Variants in CAMK1D observed in about 807,000 individuals in gnomAD.
CAMK1D encodes calcium/calmodulin dependent protein kinase ID, also known as calcium/calmodulin-dependent protein kinase type 1D.
Under a neutral mutation model 47.7 loss-of-function variants are expected in CAMK1D, and 9 were observed. The observed-to-expected ratio is 0.19, with a 90% confidence interval of 0.11 to 0.33. CAMK1D has a LOEUF of 0.33. Among genes scored for constraint, CAMK1D ranks in the 10% least tolerant of loss-of-function variants. The pLI, the probability that CAMK1D is intolerant of heterozygous loss-of-function variation, is 1.00. For synonymous variants in CAMK1D, 184 were observed against 184.9 expected, an observed-to-expected ratio of 0.99 and a Z score of 0.04; for missense variants, 291 against 488.7, an observed-to-expected ratio of 0.60 and a Z score of 3.81.
intron 1 of CAMK1D, among the ~76,000 whole-genome samples, chr10:12,484,319 A>T (rs1354049340): frequency 6.6e-6 from 1 of 152,158 alleles, no homozygotes; most frequent in Non-Finnish European, 1.5e-5. Context: ...TCACCTCCAG[A>T]TACAGGAAAA....
At chr10:12,459,656 A>C (rs1833366264) in intron 1 of CAMK1D, among the ~76,000 whole-genome samples, 1 of 151,990 alleles carries the variant, frequency 6.6e-6, no homozygotes, top group Non-Finnish European at 1.5e-5. Flanking sequence ...TTATTTATTT[A>C]TATTTTCTCT....
chr10:12,465,173 C>A (rs920173950), intron 1 of CAMK1D, among the ~76,000 whole-genome samples: 1 of 152,122 alleles, frequency 6.6e-6, no homozygotes, highest in African/African-American at 2.4e-5. Flanking sequence ...TCTTTACCAA[C>A]TCTGATAAGC....
chr10:12,648,050 A>C (rs1465190568), intron 2 of CAMK1D, among the ~76,000 whole-genome samples: 1 of 152,258 alleles, frequency 6.6e-6, no homozygotes. Context: ...GAAGAGTCCA[A>C]GAATTCAAAA....
Position 12,803,348 on chromosome 10 carries a change from T to C in CAMK1D, c.642-10847T>C, listed in dbSNP as rs74629170. Among the ~76,000 whole-genome samples, 1,357 of 152,310 alleles carry C rather than the reference T, an allele frequency of 8.9e-3. 84 individuals are homozygous for C. In the East Asian group the frequency reaches 0.16, roughly 18 times the overall value. On this transcript the variant is annotated intron_variant, in intron 6 of 10. Transcript: ENST00000619168. Reference sequence around the variant, plus strand: ...TGGGTCTGTCTTACTCACTGCTCCATGATCAGCATTTCACACAACACCAGT... The same window carrying C: ...TGGGTCTGTCTTACTCACTGCTCCACGATCAGCATTTCACACAACACCAGT...
At chr10:12,666,554 C>T (rs563607004) in intron 2 of CAMK1D, among the ~76,000 whole-genome samples, 182 bp from the exon 3 acceptor site, 1 of 152,148 alleles carries the variant, frequency 6.6e-6, no homozygotes, top group Non-Finnish European at 1.5e-5. Flanking sequence ...GAATGGAGAT[C>T]AGGGAAGGAC....
At chr10:12,662,240 G>C (rs1840293846) in intron 2 of CAMK1D, among the ~76,000 whole-genome samples, 1 of 152,204 alleles carries the variant, frequency 6.6e-6, no homozygotes, top group Admixed American at 6.5e-5. Context: ...CAATAGATGA[G>C]TCAATCAACA....
At chr10:12,480,653 G>GGGA (rs1223003304) in intron 1 of CAMK1D, among the ~76,000 whole-genome samples, 7 of 152,152 alleles carry the variant, frequency 4.6e-5, no homozygotes, top group African/African-American at 1.7e-4. Flanking sequence ...GAGGAGGAAA[G>GGGA]GGAGGAGCTC....
chr10:12,731,753 G>A (rs1425994808), intron 3 of CAMK1D, among the ~76,000 whole-genome samples: 2 of 152,302 alleles, frequency 1.3e-5, no homozygotes, highest in African/African-American at 2.4e-5. Flanking sequence ...GGTCTCAATG[G>A]GACTGGAGGA....
intron 1 of CAMK1D, among the ~76,000 whole-genome samples, chr10:12,464,541 C>G (rs190812397): frequency 5.9e-5 from 9 of 152,270 alleles, no homozygotes; most frequent in Non-Finnish European, 8.8e-5. Context: ...CAAGGCCGGG[C>G]GCCGTGGCTC....
chr10:12,672,741 C>T lies in CAMK1D; in HGVS notation c.299+5931C>T, dbSNP rs992403045. On this transcript the variant is annotated intron_variant, in intron 3 of 10. Transcript: ENST00000619168. ...TTATATATATAGTATGAAGTAATGACAATATTCATTTTTGTCATAGGGCTA... is the reference window on the plus strand; with the variant it reads ...TTATATATATAGTATGAAGTAATGATAATATTCATTTTTGTCATAGGGCTA... Among the ~76,000 whole-genome samples the T allele has an allele frequency of 9.2e-5, 14 of 152,042 alleles. 1 individual carries two copies. Among genetic ancestry groups the T allele is most frequent in the African/African-American group, 3.4e-4 (14 of 41,376 alleles).
At chr10:12,407,705 G>A (rs1839488914) in intron 1 of CAMK1D, among the ~76,000 whole-genome samples, 1 of 152,120 alleles carries the variant, frequency 6.6e-6, no homozygotes, top group South Asian at 2.1e-4. Context: ...TCCAGCTGTG[G>A]TCCAAGTTGA....
At chr10:12,412,708 A>G (rs1185406180) in intron 1 of CAMK1D, among the ~76,000 whole-genome samples, 5 of 151,348 alleles carry the variant, frequency 3.3e-5, no homozygotes. Flanking sequence ...AAAAAAAAAA[A>G]AAAAAGAGTG....
chr10:12,493,793 C>G (rs1284684330), intron 1 of CAMK1D, among the ~76,000 whole-genome samples: 1 of 152,162 alleles, frequency 6.6e-6, no homozygotes, highest in Admixed American at 6.5e-5. Context: ...TGTGCCCTGC[C>G]TGCATATCTG....
chr10:12,374,690 C>A (rs571306187), intron 1 of CAMK1D, among the ~76,000 whole-genome samples: 2 of 152,206 alleles, frequency 1.3e-5, no homozygotes, highest in African/African-American at 4.8e-5. Context: ...TGCCTGTAAT[C>A]CCAGCACTTT....
At chr10:12,739,620 G>GA (rs1044044232) in intron 3 of CAMK1D, among the ~76,000 whole-genome samples, 18 of 151,684 alleles carry the variant, frequency 1.2e-4, no homozygotes, top group Middle Eastern at 3.4e-3. Context: ...ATACAACTTA[G>GA]AAAAAAAAGA....
intron 3 of CAMK1D, among the ~76,000 whole-genome samples, chr10:12,697,294 A>T (rs1833334788): frequency 6.6e-6 from 1 of 152,200 alleles, no homozygotes; most frequent in African/African-American, 2.4e-5. Flanking sequence ...TCTACTTTTA[A>T]CCTCCTGGCT....
intron 6 of CAMK1D, among the ~76,000 whole-genome samples, chr10:12,795,877 C>G (rs1004725400): frequency 6.6e-6 from 1 of 152,180 alleles, no homozygotes; most frequent in Non-Finnish European, 1.5e-5. Flanking sequence ...AACATCTTTG[C>G]TCAAATAGCT....
intron 3 of CAMK1D, among the ~76,000 whole-genome samples, chr10:12,731,074 C>T (rs116076331): frequency 0.016 from 2,437 of 152,150 alleles, 64 homozygotes; most frequent in African/African-American, 0.055. Flanking sequence ...TGGTTTGGTT[C>T]GTTTTAATGA....
intron 3 of CAMK1D, among the ~76,000 whole-genome samples, chr10:12,699,295 C>T (rs180935034): frequency 4.6e-5 from 7 of 152,220 alleles, no homozygotes; most frequent in Middle Eastern, 3.4e-3. Context: ...TGCTGTTGAC[C>T]GGTCTGCTTT....
Sources: allele counts gnomAD v4.1 joint callset (sites outside exome capture counted in the v4.1 genomes callset), GRCh38; gene constraint gnomAD v4.1.1; transcripts MANE v1.5; gene names NCBI Gene and HGNC (gene_info 2026-07-23, HGNC 2026-07-21).